The following LYPD6B variants were observed in gnomAD, a reference collection of about 807,000 sequenced individuals.
LYPD6B encodes the protein ly6/PLAUR domain-containing protein 6B.
A neutral mutation model predicts 22.8 loss-of-function variants in LYPD6B; 17 were observed. The observed-to-expected ratio is 0.75, with a 90% confidence interval of 0.51 to 1.12. LYPD6B has a LOEUF of 1.12. Ranked by LOEUF, LYPD6B falls within the 50% of genes most tolerant of loss-of-function variation. The pLI is 0.00. For missense variants in LYPD6B, 221 were observed against 258.3 expected (o/e 0.86, Z 0.99); for synonymous variants, 106 against 91.6 (o/e 1.16, Z -0.90).
At chr2:149,043,360 A>G (rs1683174849) in intron 1 of LYPD6B, among the ~76,000 whole-genome samples, 1 of 152,178 alleles carries the variant, frequency 6.6e-6, no homozygotes, top group Non-Finnish European at 1.5e-5. Flanking sequence ...TCCAATTCCA[A>G]AGTTAAATAA....
intron 4 of LYPD6B, among the ~76,000 whole-genome samples, 159 bp downstream of exon 4, chr2:149,205,563 T>C (rs1039244198): frequency 5.9e-5 from 9 of 152,196 alleles, no homozygotes; most frequent in African/African-American, 1.9e-4. Flanking sequence ...GGTAAGCATA[T>C]GGTAAGTGAA....
intron 1 of LYPD6B, among the ~76,000 whole-genome samples, chr2:149,076,162 T>C (rs1423696731): frequency 1.3e-5 from 2 of 152,184 alleles, no homozygotes; most frequent in Admixed American, 1.3e-4. Context: ...AGTAACTTAA[T>C]AGCTACCAGA....
chr2:149,106,892 T>A (rs1378467690), intron 1 of LYPD6B, among the ~76,000 whole-genome samples: 1 of 151,828 alleles, frequency 6.6e-6, no homozygotes, highest in Non-Finnish European at 1.5e-5. Flanking sequence ...ATTTGAGAAC[T>A]TTTTTTTCAA....
intron 1 of LYPD6B, among the ~76,000 whole-genome samples, chr2:149,045,873 G>A (rs1683282957): frequency 6.6e-6 from 1 of 152,020 alleles, no homozygotes; most frequent in East Asian, 1.9e-4. Context: ...GCTATTGATG[G>A]GTGGGATGTT....
intron 1 of LYPD6B, among the ~76,000 whole-genome samples, chr2:149,104,663 G>C (rs1318544900): frequency 6.6e-6 from 1 of 151,980 alleles, no homozygotes; most frequent in Non-Finnish European, 1.5e-5. Flanking sequence ...ATAATCTGTG[G>C]CTTGTCTTTT....
rs578218217 is a variant in LYPD6B at position 149,119,994 on chromosome 2, G to A, written c.-66-10889G>A. On this transcript the variant is annotated intron_variant, in intron 1 of 6. Coordinates refer to ENST00000409642, the MANE Select transcript of LYPD6B (RefSeq NM_177964.5). ...AATGTACATTATTGTGAGTGGGTCAGTAGCCATCCTACTGCAGAGAAAAGG... is the reference window on the plus strand; with the variant it reads ...AATGTACATTATTGTGAGTGGGTCAATAGCCATCCTACTGCAGAGAAAAGG... 5.3e-5 allele frequency among the ~76,000 whole-genome samples: 8 copies of A among 152,186 alleles called. No individual in the cohort carries two copies. The South Asian group carries it at 6.2e-4, about 12-fold the overall frequency.
chr2:149,122,916 C>T (rs901312457), intron 1 of LYPD6B, among the ~76,000 whole-genome samples: 18 of 152,088 alleles, frequency 1.2e-4, no homozygotes, highest in Admixed American at 3.3e-4. Context: ...ACATGGTTTC[C>T]GTGTCTGCAT....
chr2:149,211,229 C>G (rs1270646941), intron 5 of LYPD6B, among the ~76,000 whole-genome samples: 1 of 152,164 alleles, frequency 6.6e-6, no homozygotes. Flanking sequence ...CACCTCCCCT[C>G]TCCAACATGG....
chr2:149,155,218 C>G (rs1313374251), intron 2 of LYPD6B, among the ~76,000 whole-genome samples: 5 of 152,208 alleles, frequency 3.3e-5, no homozygotes, highest in African/African-American at 9.6e-5. Context: ...GGAAAATGCT[C>G]TGCAGCCCGC....
intron 2 of LYPD6B, 140 bp downstream of exon 2, chr2:149,131,093 T>C (rs1395777162): frequency 3.2e-6 from 2 of 632,946 alleles, no homozygotes; most frequent in South Asian, 2.2e-5. Context: ...GGGATTATGC[T>C]GCTTGTTCAT....
intron 1 of LYPD6B, among the ~76,000 whole-genome samples, chr2:149,049,377 T>C (rs1468983690): frequency 6.6e-6 from 1 of 152,192 alleles, no homozygotes; most frequent in South Asian, 2.1e-4. Context: ...ACACACATGC[T>C]CTCATACACG....
intron 1 of LYPD6B, among the ~76,000 whole-genome samples, chr2:149,050,710 T>A (rs1188977189): frequency 6.6e-6 from 1 of 152,132 alleles, no homozygotes; most frequent in Non-Finnish European, 1.5e-5. Flanking sequence ...GAGCTGGGAT[T>A]GTAGTTTGTC....
At chr2:149,107,405 G>T (rs949264611) in intron 1 of LYPD6B, among the ~76,000 whole-genome samples, 1 of 152,126 alleles carries the variant, frequency 6.6e-6, no homozygotes, top group African/African-American at 2.4e-5. Context: ...TTTACTCCTG[G>T]AATTTTTCAT....
chr2:149,053,562 C>G (rs1683659392), intron 1 of LYPD6B, among the ~76,000 whole-genome samples: 1 of 152,210 alleles, frequency 6.6e-6, no homozygotes, highest in Non-Finnish European at 1.5e-5. Context: ...AAGTATCTCA[C>G]TGTTATTATT....
intron 3 of LYPD6B, among the ~76,000 whole-genome samples, chr2:149,197,777 A>G (rs888817318): frequency 1.3e-5 from 2 of 152,174 alleles, no homozygotes; most frequent in Admixed American, 6.5e-5. Flanking sequence ...GATCTTTGCT[A>G]TCCTCTCATC....
At chr2:149,038,960 CGGGGCCGCGGGGCCGCGGCGCAGT>C (rs747037150) in intron 1 of LYPD6B, among the ~76,000 whole-genome samples, 159 bp downstream of exon 1, 2 of 150,002 alleles carry the variant, frequency 1.3e-5, no homozygotes, top group African/African-American at 4.9e-5. Context: ...CGCGGGGCCG[CGGGGCCGCGGGGCCGCGGCGCAGT>C]GGCGGGGTCG....
intron 3 of LYPD6B, among the ~76,000 whole-genome samples, chr2:149,191,688 A>G (rs904101238): frequency 2.0e-5 from 3 of 152,200 alleles, no homozygotes; most frequent in East Asian, 1.9e-4. Context: ...ATAATTTACA[A>G]TGCAGCCTTT....
intron 4 of LYPD6B, 124 bp from the exon 5 acceptor site, chr2:149,208,190 T>C (rs545572116): frequency 1.4e-5 from 9 of 647,046 alleles, no homozygotes; most frequent in South Asian, 1.4e-4. Flanking sequence ...GAAACAGTAA[T>C]TGTAAGGATG....
rs151040900 is a variant in LYPD6B, at chr2:149,119,454, C to T, written c.-66-11429C>T. ...ACAACCACTGTTTAAAGAAAATAGA[C>T]CTTGGGAATGGGGAAAGTACATTTC... On this transcript the variant is annotated intron_variant, in intron 1 of 6. Transcript: ENST00000409642. Among the ~76,000 whole-genome samples the T allele has an allele frequency of 5.0e-4, 76 of 152,240 alleles. 3 individuals are homozygous for T. In the East Asian group the frequency reaches 0.014, roughly 29 times the overall value.
Sources: gnomAD v4.1 joint callset for allele counts (sites outside exome capture counted in the v4.1 genomes callset) on GRCh38, gnomAD v4.1.1 for gene constraint, MANE v1.5 for transcripts, NCBI Gene and HGNC (gene_info 2026-07-23, HGNC 2026-07-21) for gene names.